Variants in SNAP91 observed in about 807,000 individuals in gnomAD.
The protein encoded by SNAP91 is synaptosome associated protein 91, also known as clathrin coat assembly protein AP180.
In SNAP91, 27 loss-of-function variants were observed where a neutral mutation model predicts 100.3. That is an observed-to-expected ratio of 0.27 (90% CI 0.20 to 0.37). The LOEUF (loss-of-function observed/expected upper bound fraction) is 0.37. Among genes scored for constraint, SNAP91 ranks in the 10% least tolerant of loss-of-function variants. The pLI, the probability that SNAP91 is intolerant of heterozygous loss-of-function variation, is 1.00. For synonymous variants in SNAP91, 404 were observed against 398.6 expected (o/e 1.01, Z -0.16); for missense variants, 986 against 1,123.7 (o/e 0.88, Z 1.75).
Position 83,553,382 on chromosome 6 carries a change from C to T in SNAP91, c.*914G>A, listed in dbSNP as rs560901279. The T allele has an allele frequency of 2.0e-5, 3 of 152,144 alleles. No homozygotes were observed. Among genetic ancestry groups the T allele is most frequent in the Non-Finnish European group, 2.9e-5 (2 of 68,018 alleles). 9.4% of individuals were successfully genotyped at this position (152,144 alleles called of 1,614,324 possible). A position where few individuals can be genotyped will look rare whatever the true frequency, so the allele number is the denominator to read the frequency against. Reference sequence around the variant, plus strand: ...AAGAAACACTAAATTAACAGATGTACTAAAAACCCACAGTAAAGTAAAGAT... The same window carrying T: ...AAGAAACACTAAATTAACAGATGTATTAAAAACCCACAGTAAAGTAAAGAT... On this transcript the variant is annotated 3_prime_UTR_variant, in exon 30 of 30. Coordinates refer to ENST00000369694, the MANE Select transcript of SNAP91 (RefSeq NM_001242792.2).
intron 2 of SNAP91, among the ~76,000 whole-genome samples, chr6:83,667,964 G>T (rs1425600295): frequency 6.6e-6 from 1 of 151,980 alleles, no homozygotes; most frequent in African/African-American, 2.4e-5. Context: ...AATCTACAAA[G>T]AACTCTAACA....
At chr6:83,632,707 A>G (rs147931260) in intron 8 of SNAP91, among the ~76,000 whole-genome samples, 296 of 152,332 alleles carry the variant, frequency 1.9e-3, no homozygotes, top group African/African-American at 6.9e-3. Context: ...TTGCATTTCT[A>G]TAAGTGTGTC....
At chr6:83,593,860 G>T in intron 17 of SNAP91, 119 bp from the exon 18 acceptor site, 1 of 1,397,114 alleles carries the variant, frequency 7.2e-7, no homozygotes, top group Non-Finnish European at 9.4e-7. Flanking sequence ...TAGGTGTGAG[G>T]CTCCTTGGAT....
At chr6:83,658,898 A>G (rs1417501910) in intron 6 of SNAP91, 101 bp downstream of exon 6, 2 of 840,358 alleles carry the variant, frequency 2.4e-6, no homozygotes, top group Non-Finnish European at 3.8e-6. Flanking sequence ...ATGAAGATCT[A>G]TAGCTGCTTC....
At chr6:83,611,603 A>G (rs2096077103) in intron 11 of SNAP91, among the ~76,000 whole-genome samples, 1 of 152,216 alleles carries the variant, frequency 6.6e-6, no homozygotes, top group African/African-American at 2.4e-5. Context: ...ACAAAATTAC[A>G]GCAGAAATTT....
intron 2 of SNAP91, among the ~76,000 whole-genome samples, chr6:83,672,184 G>A (rs530918491): frequency 8.5e-5 from 13 of 152,136 alleles, no homozygotes; most frequent in Non-Finnish European, 1.3e-4. Context: ...TGCCTAGAAC[G>A]TCTCTGCCTT....
At chr6:83,660,637 T>A (rs2128733799) in intron 5 of SNAP91, among the ~76,000 whole-genome samples, 1 of 152,328 alleles carries the variant, frequency 6.6e-6, no homozygotes, top group South Asian at 2.1e-4. Flanking sequence ...TTTTCTTAAT[T>A]GGTAGTATTA....
intron 11 of SNAP91, among the ~76,000 whole-genome samples, chr6:83,612,280 C>T (rs1562339623): frequency 6.6e-6 from 1 of 152,038 alleles, no homozygotes. Flanking sequence ...GAAATATCTA[C>T]AGTAAATTCC....
intron 7 of SNAP91, among the ~76,000 whole-genome samples, chr6:83,651,993 A>G (rs942740572): frequency 1.3e-5 from 2 of 152,170 alleles, no homozygotes; most frequent in African/African-American, 4.8e-5. Flanking sequence ...ATCATCTGCC[A>G]TGTCTGGAAA....
At chr6:83,641,593 C>T (rs191481897) in intron 7 of SNAP91, among the ~76,000 whole-genome samples, 22 of 152,096 alleles carry the variant, frequency 1.4e-4, no homozygotes, top group Admixed American at 1.4e-3. Flanking sequence ...CTTATTAGCT[C>T]GCAATAAACT....
intron 2 of SNAP91, among the ~76,000 whole-genome samples, chr6:83,675,723 T>C (rs545642305): frequency 6.6e-6 from 1 of 152,006 alleles, no homozygotes; most frequent in South Asian, 2.1e-4. Flanking sequence ...CTCCATTTCT[T>C]TATTACCGTA....
chr6:83,590,155 C>T (rs2093523372), intron 22 of SNAP91, among the ~76,000 whole-genome samples: 1 of 152,062 alleles, frequency 6.6e-6, no homozygotes, highest in South Asian at 2.1e-4. Context: ...GTGACTGAGT[C>T]CTCTGTGAAA....
At position 83,593,665 on chromosome 6, in the gene SNAP91, G is replaced by A; in HGVS notation, c.1509C>T (p.Thr503=). Residue 503 remains threonine, a synonymous_variant, in exon 18 of 30, where the codon ACC becomes ACT. Coordinates refer to ENST00000369694, the MANE Select transcript of SNAP91 (RefSeq NM_001242792.2). ...CTGTAGGGGTAACTACAGGAACACT[G>A]GTCTCAGGTGGCTTCATTGCAAAGA... ...LDLFAMKPPE[T]SVPVVTPTAS... 6.2e-7 allele frequency: 1 copy of A among 1,612,342 alleles called. No homozygotes were observed. The highest frequency in any genetic ancestry group is 8.5e-7 in the Non-Finnish European group (1 of 1,178,620).
At chr6:83,582,460 G>C (rs1018230777) in intron 22 of SNAP91, 104 bp from the exon 23 acceptor site, 25 of 1,190,780 alleles carry the variant, frequency 2.1e-5, no homozygotes, top group Non-Finnish European at 2.8e-5. Flanking sequence ...GGAATTAATT[G>C]CATGTTGATT....
At chr6:83,662,495 AT>A (rs34529044) in intron 3 of SNAP91, 73 bp from the exon 4 acceptor site, 134,251 of 437,642 alleles carry the variant, frequency 0.31, 17,676 homozygotes, top group East Asian at 0.36. Context: ...CACTAAAGCG[AT>A]TTTTTTTTTT....
At chr6:83,613,302 G>T (rs1229536981) in intron 11 of SNAP91, among the ~76,000 whole-genome samples, 1 of 151,976 alleles carries the variant, frequency 6.6e-6, no homozygotes, top group Non-Finnish European at 1.5e-5. Flanking sequence ...TATATCCCTA[G>T]CACTTTACAT....
At chr6:83,572,106 T>C (rs940113116) in intron 26 of SNAP91, among the ~76,000 whole-genome samples, 2 of 152,232 alleles carry the variant, frequency 1.3e-5, no homozygotes, top group African/African-American at 4.8e-5. Flanking sequence ...TATGTCTTTA[T>C]CAGCAGTGTG....
chr6:83,707,502 C>T (rs2099396098), intron 2 of SNAP91, among the ~76,000 whole-genome samples: 2 of 149,552 alleles, frequency 1.3e-5, no homozygotes, highest in South Asian at 4.3e-4. Flanking sequence ...TCAGTGTGTA[C>T]AATCTCTCTC....
chr6:83,597,203 T>G (rs752509905), intron 16 of SNAP91, among the ~76,000 whole-genome samples: 14 of 152,164 alleles, frequency 9.2e-5, no homozygotes, highest in Non-Finnish European at 1.6e-4. Context: ...TGAATCTTCC[T>G]AGCCCCGAAG....
Sources: allele counts gnomAD v4.1 joint callset (sites outside exome capture counted in the v4.1 genomes callset), GRCh38; gene constraint gnomAD v4.1.1; transcripts MANE v1.5; gene names NCBI Gene and HGNC (gene_info 2026-07-23, HGNC 2026-07-21).